Variants in ABR observed in about 807,000 individuals in gnomAD.
ABR encodes the protein ABR activator of RhoGEF and GTPase, also known as active breakpoint cluster region-related protein.
Under a neutral mutation model 107.2 loss-of-function variants are expected in ABR, and 35 were observed. That is an observed-to-expected ratio of 0.33 (90% confidence interval 0.25 to 0.43). ABR has a LOEUF of 0.43. ABR is among the 20% of genes least tolerant of loss of function. ABR has a pLI of 1.00. For missense variants in ABR, 815 were observed against 1,115.2 expected, an observed-to-expected ratio of 0.73 and a Z score of 3.83; for synonymous variants, 498 against 462.0, an observed-to-expected ratio of 1.08 and a Z score of -1.00.
chr17:1,175,058 C>G (rs542352318), intron 1 of ABR, among the ~76,000 whole-genome samples: 2 of 152,286 alleles, frequency 1.3e-5, no homozygotes, highest in African/African-American at 4.8e-5. Flanking sequence ...AAAAAAATAA[C>G]AAAGAGAAGA....
intron 16 of ABR, chr17:1,031,826 C>A: frequency 8.2e-7 from 1 of 1,226,940 alleles, no homozygotes; most frequent in Non-Finnish European, 1.0e-6. Context: ...GTTCCCTAGT[C>A]CCGCCGGCTT....
Position 1,012,803 on chromosome 17 carries a change from TG to T in ABR, c.1852-7del. ...ATGGAAAATTCCACTTTGATCTGGT[TG>T]GGGGGTGAGGCAGGTAAAGATTCCC... On this transcript the variant is annotated splice_region_variant and splice_polypyrimidine_tract_variant and intron_variant, in intron 17 of 22. Transcript: ENST00000302538. The T allele has an allele frequency of 1.9e-6, 3 of 1,570,396 alleles. No homozygotes were observed. Among genetic ancestry groups the T allele is most frequent in the East Asian group, 2.3e-5 (1 of 43,304 alleles).
upstream of ABR, among the ~76,000 whole-genome samples, chr17:1,181,112 G>T (rs568760443): frequency 2.0e-5 from 3 of 152,356 alleles, no homozygotes; most frequent in South Asian, 6.2e-4. Context: ...CTACCAGGAA[G>T]GTTAAGTCAG....
Position 1,005,981 on chromosome 17 carries a change from T to C in ABR, c.*99A>G, listed in dbSNP as rs1168137165. The C allele has an allele frequency of 8.8e-7, 1 of 1,134,176 alleles. No individual in the cohort carries two copies. The highest frequency in any genetic ancestry group is 1.5e-5 in the African/African-American group (1 of 64,700). 70.3% of individuals were successfully genotyped at this position (1,134,176 alleles called of 1,614,324 possible). On this transcript the variant is annotated 3_prime_UTR_variant, in exon 23 of 23. Transcript: ENST00000302538. ...CTGGCTTCCCTCGAGTCTGGAGTGC[T>C]GGGTTTGGGAGTTTTCTATTGCAGT...
In ABR at chr17:1,179,471, TC is replaced by T. The variant is rs2042042589; in HGVS notation, c.61+195del. Among the ~76,000 whole-genome samples, 1 of 148,484 alleles carries T rather than the reference TC, an allele frequency of 6.7e-6. No individual in the cohort carries two copies. The highest frequency in any genetic ancestry group is 2.5e-5 in the African/African-American group (1 of 39,682). On this transcript the variant is annotated intron_variant, in intron 1 of 22. Transcript: ENST00000302538. This position sits in a 1 kb window ranked among gnomAD's most constrained non-coding sequence, Gnocchi z 4.9. ...CCCCCAGACCAGCCCGGCTCCTGGG[TC>T]CCGACCCCGATCCCGATTCCCAACC...
intron 1 of ABR, among the ~76,000 whole-genome samples, chr17:1,127,475 C>T (rs773779113): frequency 2.4e-4 from 36 of 152,094 alleles, no homozygotes; most frequent in Admixed American, 2.6e-4. Flanking sequence ...AGAGGCACAG[C>T]GGCACCCAGC....
At chr17:1,211,835 C>T (rs1338217237) in intron 1 of ABR, among the ~76,000 whole-genome samples, 1 of 152,106 alleles carries the variant, frequency 6.6e-6, no homozygotes, top group African/African-American at 2.4e-5. Context: ...AATCCCAGCA[C>T]TTCGAGAGGC....
chr17:1,218,113 C>G (rs1038622239), intron 1 of ABR, among the ~76,000 whole-genome samples: 2 of 152,228 alleles, frequency 1.3e-5, no homozygotes, highest in Admixed American at 1.3e-4. Flanking sequence ...ACACCAGTAG[C>G]TGTTTTCATT....
chr17:1,116,644 C>A (rs1041382116), intron 2 of ABR, among the ~76,000 whole-genome samples: 1 of 152,188 alleles, frequency 6.6e-6, no homozygotes, highest in African/African-American at 2.4e-5. Flanking sequence ...GGGTCACAAC[C>A]AAGGCACTAG....
intron 1 of ABR, among the ~76,000 whole-genome samples, chr17:1,226,786 C>T (rs905689569): frequency 3.3e-5 from 5 of 151,116 alleles, no homozygotes; most frequent in Admixed American, 6.6e-5. Context: ...GACAGTGTAC[C>T]ATGTGTATAC....
intron 1 of ABR, among the ~76,000 whole-genome samples, chr17:1,223,993 T>A (rs1379975383): frequency 6.6e-6 from 1 of 152,202 alleles, no homozygotes; most frequent in Non-Finnish European, 1.5e-5. Flanking sequence ...GAAGGTGCTC[T>A]GTGGAATCCA....
At chr17:1,225,650 T>C (rs1243900560) in intron 1 of ABR, among the ~76,000 whole-genome samples, 1 of 151,984 alleles carries the variant, frequency 6.6e-6, no homozygotes, top group Non-Finnish European at 1.5e-5. Context: ...GGACTCTGTC[T>C]CGACAAAAAA....
intron 16 of ABR, among the ~76,000 whole-genome samples, chr17:1,045,277 C>T (rs191897241): frequency 1.3e-5 from 2 of 152,370 alleles, no homozygotes; most frequent in Admixed American, 6.5e-5. Context: ...TCCCTAATTC[C>T]AGCCCATGGT....
chr17:1,091,992 G>A, intron 3 of ABR, 142 bp from the exon 4 acceptor site: 1 of 865,906 alleles, frequency 1.2e-6, no homozygotes, highest in Non-Finnish European at 1.8e-6. Flanking sequence ...ACTGAAACGA[G>A]CTTTGTATCA....
At chr17:1,128,833 G>T (rs2039705324) in intron 1 of ABR, among the ~76,000 whole-genome samples, 1 of 118,220 alleles carries the variant, frequency 8.5e-6, no homozygotes, top group Non-Finnish European at 1.8e-5. Context: ...GCACAGTGGA[G>T]CCCACCCCAG....
intron 1 of ABR, among the ~76,000 whole-genome samples, chr17:1,171,976 G>A (rs374187576): frequency 1.3e-5 from 2 of 152,134 alleles, no homozygotes; most frequent in African/African-American, 4.8e-5. Flanking sequence ...AATCAATCAG[G>A]TCACCACAGA....
chr17:1,159,395 C>CAA, intron 1 of ABR, among the ~76,000 whole-genome samples: 1 of 102,042 alleles, frequency 9.8e-6, no homozygotes, highest in Non-Finnish European at 2.2e-5. Context: ...TACTCACACA[C>CAA]GGGAGAAGTA....
chr17:1,137,626 T>C (rs531793941), intron 1 of ABR, among the ~76,000 whole-genome samples: 54 of 151,922 alleles, frequency 3.6e-4, no homozygotes, highest in African/African-American at 1.3e-3. Context: ...GTCATAACAA[T>C]AAAAAAGTCT....
chr17:1,178,290 T>A (rs2041983425), intron 1 of ABR, among the ~76,000 whole-genome samples: 1 of 149,778 alleles, frequency 6.7e-6, no homozygotes, highest in Non-Finnish European at 1.5e-5. Context: ...ACAAATGCCC[T>A]TGTTGGCTCA....
Sources: gnomAD v4.1 joint callset for allele counts (sites outside exome capture counted in the v4.1 genomes callset) on GRCh38, gnomAD v4.1.1 for gene constraint, Gnocchi (gnomAD v3.1) non-coding constraint, MANE v1.5 for transcripts, NCBI Gene and HGNC (gene_info 2026-07-23, HGNC 2026-07-21) for gene names.